PDHX: variants seen among roughly 807,000 people sequenced by gnomAD.
PDHX encodes pyruvate dehydrogenase complex component X, also known as pyruvate dehydrogenase protein X component, mitochondrial.
PDHX carries 33 observed loss-of-function variants against 55.3 expected under a neutral mutation model. The observed-to-expected ratio is 0.60, with a 90% CI of 0.45 to 0.80. The LOEUF (loss-of-function observed/expected upper bound fraction) is 0.80, where lower values mean the gene tolerates loss of function less well. Among genes scored for constraint, PDHX ranks in the 30% least tolerant of loss-of-function variants. The probability of loss-of-function intolerance (pLI) is 0.00; values close to 1 mark genes in which losing one functional copy is unlikely to be tolerated. For missense variants in PDHX, 622 were observed against 619.9 expected (o/e 1.00, Z -0.04); for synonymous variants, 226 against 219.4 (o/e 1.03, Z -0.27).
At chr11:34,955,124 A>G (rs528457308) in intron 3 of PDHX, among the ~76,000 whole-genome samples, 1 of 152,268 alleles carries the variant, frequency 6.6e-6, no homozygotes, top group East Asian at 1.9e-4. Flanking sequence ...TGCATAAGAA[A>G]ACTCTGGCAT....
intron 7 of PDHX, among the ~76,000 whole-genome samples, chr11:34,974,266 A>T (rs1855319234): frequency 6.6e-6 from 1 of 152,188 alleles, no homozygotes; most frequent in Non-Finnish European, 1.5e-5. Flanking sequence ...ATCATATAGT[A>T]CTTGTCCTTT....
intron 3 of PDHX, among the ~76,000 whole-genome samples, chr11:34,952,348 G>A (rs1854794688): frequency 6.6e-6 from 1 of 152,012 alleles, no homozygotes; most frequent in South Asian, 2.1e-4. Flanking sequence ...TATGAGGCCA[G>A]CATCATCCTG....
chr11:34,972,395 A>ATTTTTT (rs35664323), intron 7 of PDHX, among the ~76,000 whole-genome samples: 1 of 145,848 alleles, frequency 6.9e-6, no homozygotes. Context: ...ACAAATGTTG[A>ATTTTTT]TTTTTTTTTT....
intron 1 of PDHX, among the ~76,000 whole-genome samples, chr11:34,924,517 G>A (rs1294547857): frequency 6.6e-6 from 1 of 152,052 alleles, no homozygotes; most frequent in Admixed American, 6.5e-5. Flanking sequence ...CACTGCTCCC[G>A]GCCTACCTTA....
intron 2 of PDHX, among the ~76,000 whole-genome samples, chr11:34,945,441 A>G (rs1426512951): frequency 6.6e-6 from 1 of 152,152 alleles, no homozygotes; most frequent in Non-Finnish European, 1.5e-5. Flanking sequence ...AAAATTTCCT[A>G]GCCTTTATAT....
At position 34,952,877 on chromosome 11, in the gene PDHX, A is replaced by G. The variant is rs976154591; in HGVS notation, c.343-4507A>G. On this transcript the variant is annotated intron_variant, in intron 3 of 10. Transcript: ENST00000227868. ...AGGAGAAGTAAATAAAGGGTATTCA[A>G]TTAGGAAAAGAGGAAGTCAAATTGT... 4.8e-4 allele frequency among the ~76,000 whole-genome samples: 72 copies of G among 151,284 alleles called. 1 individual carries two copies. In the South Asian group the frequency reaches 0.012, roughly 25 times the overall value.
In PDHX at chr11:34,916,667, C is replaced by T. The variant is rs1459700394; in HGVS notation, c.12C>T (p.Ser4=). The T allele has an allele frequency of 1.9e-6, 3 of 1,610,144 alleles. No individual in the cohort carries two copies. Among genetic ancestry groups the T allele is most frequent in the Non-Finnish European group, 1.7e-6 (2 of 1,179,974 alleles). The stretch of plus-strand genomic sequence containing the variant: ...AGAAGGCCGTCAAGATGGCGGCCTC[C>T]TGGAGGCTGGGCTGTGATCCGCGGC... The part of the protein sequence containing the change: MAA[S]WRLGCDPRLL... Residue 4 remains serine (S), a synonymous_variant, in exon 1 of 11, where the codon TCC becomes TCT. Transcript: ENST00000227868.
At chr11:34,946,380 G>T (rs1854620346) in intron 2 of PDHX, among the ~76,000 whole-genome samples, 1 of 151,822 alleles carries the variant, frequency 6.6e-6, no homozygotes, top group African/African-American at 2.4e-5. Flanking sequence ...TTGACAGATT[G>T]CACTAAATAA....
chr11:34,918,506 T>C (rs140228065), intron 1 of PDHX, among the ~76,000 whole-genome samples: 111 of 151,754 alleles, frequency 7.3e-4, no homozygotes, highest in African/African-American at 2.6e-3. Flanking sequence ...AGGCAAGCAA[T>C]CCTTATCTGC....
chr11:34,973,889 A>ACTT (rs34095132), intron 7 of PDHX, among the ~76,000 whole-genome samples: 109,193 of 151,798 alleles, frequency 0.72, 39,366 homozygotes, highest in Middle Eastern at 0.77. Flanking sequence ...CTGCTATTAT[A>ACTT]CTTCTACCCA....
intron 7 of PDHX, among the ~76,000 whole-genome samples, chr11:34,970,505 C>A (rs1270254924): frequency 6.6e-6 from 1 of 152,150 alleles, no homozygotes; most frequent in Non-Finnish European, 1.5e-5. Flanking sequence ...AAATAAATCA[C>A]AGATGCCTTT....
chr11:34,942,196 A>C (rs1023064688), intron 2 of PDHX, among the ~76,000 whole-genome samples: 1 of 152,244 alleles, frequency 6.6e-6, no homozygotes, highest in African/African-American at 2.4e-5. Context: ...TCTGGTAGAA[A>C]TGACAGAATA....
chr11:34,949,137 A>G (rs1053243397), intron 3 of PDHX, among the ~76,000 whole-genome samples: 3 of 152,150 alleles, frequency 2.0e-5, no homozygotes, highest in Non-Finnish European at 2.9e-5. Context: ...TTGTGGCTTT[A>G]TTATTATTCC....
rs191497994 is a variant in PDHX at position 34,977,444 on chromosome 11, A to G, written c.965-680A>G. On this transcript the variant is annotated intron_variant, in intron 7 of 10. Coordinates refer to ENST00000227868, the MANE Select transcript of PDHX (RefSeq NM_003477.3). ...TGTATACTGGAAAGAAATTGATTCA[A>G]ATGCATTCACCATAAAACTATGGAT... Among the ~76,000 whole-genome samples the G allele has an allele frequency of 1.1e-3, 162 of 152,260 alleles. 1 individual carries two copies. The highest frequency in any genetic ancestry group is 3.8e-3 in the African/African-American group (156 of 41,566).
At chr11:34,959,296 G>A (rs1854970778) in intron 4 of PDHX, among the ~76,000 whole-genome samples, 1 of 152,064 alleles carries the variant, frequency 6.6e-6, no homozygotes, top group Non-Finnish European at 1.5e-5. Context: ...TACATAGATG[G>A]CCAGCAGGCA....
chr11:34,971,117 T>C (rs1855249055), intron 7 of PDHX, among the ~76,000 whole-genome samples: 1 of 152,142 alleles, frequency 6.6e-6, no homozygotes, highest in South Asian at 2.1e-4. Context: ...AAATATCTTA[T>C]ATATTCTTCT....
intron 2 of PDHX, among the ~76,000 whole-genome samples, chr11:34,936,587 A>C (rs970894616): frequency 6.6e-6 from 1 of 152,104 alleles, no homozygotes; most frequent in Non-Finnish European, 1.5e-5. Context: ...TGGAAGAAAG[A>C]TGTCACTGAG....
chr11:34,969,765 C>T (rs988408441), intron 6 of PDHX, among the ~76,000 whole-genome samples: 1 of 151,986 alleles, frequency 6.6e-6, no homozygotes, highest in African/African-American at 2.4e-5. Context: ...TATATTGCTC[C>T]TTGTGTGTGT....
intron 1 of PDHX, 119 bp from the exon 2 acceptor site, chr11:34,931,285 A>C: frequency 1.4e-6 from 1 of 693,216 alleles, no homozygotes; most frequent in South Asian, 1.5e-5. Context: ...GGAATCTTTT[A>C]GACTTTGGAA....
Sources: allele counts gnomAD v4.1 joint callset (sites outside exome capture counted in the v4.1 genomes callset), GRCh38; gene constraint gnomAD v4.1.1; transcripts MANE v1.5; gene names NCBI Gene and HGNC (gene_info 2026-07-23, HGNC 2026-07-21).